Variants in ARHGAP15 observed in about 807,000 individuals in gnomAD.
ARHGAP15 encodes Rho GTPase activating protein 15.
Under a neutral mutation model 63.7 loss-of-function variants are expected in ARHGAP15, and 51 were observed. The ratio of observed to expected loss-of-function variants is 0.80; its 90% CI spans 0.64 to 1.01. The LOEUF is 1.01. ARHGAP15 is among the 50% of genes least tolerant of loss of function. The pLI, the probability that ARHGAP15 is intolerant of heterozygous loss-of-function variation, is 0.00. For missense variants in ARHGAP15, 560 were observed against 564.6 expected (o/e 0.99, Z 0.08); for synonymous variants, 191 against 193.8 (o/e 0.99, Z 0.12).
chr2:143,629,046 G>A (rs997454616), intron 12 of ARHGAP15, among the ~76,000 whole-genome samples: 4 of 152,114 alleles, frequency 2.6e-5, no homozygotes, highest in South Asian at 2.1e-4. Context: ...AGGAGAAAAT[G>A]CTATTTCTAG....
chr2:143,205,022 G>A (rs867951762), intron 3 of ARHGAP15, among the ~76,000 whole-genome samples: 17 of 151,844 alleles, frequency 1.1e-4, no homozygotes, highest in African/African-American at 4.1e-4. Flanking sequence ...CAGCACTTTG[G>A]GAGGCTGAGG....
chr2:143,516,300 C>T (rs774518168), intron 9 of ARHGAP15, among the ~76,000 whole-genome samples: 3 of 152,112 alleles, frequency 2.0e-5, no homozygotes, highest in Non-Finnish European at 4.4e-5. Context: ...AGTAAATTCC[C>T]TGGAATGCTG....
At chr2:143,269,561 T>C (rs1681164981) in intron 6 of ARHGAP15, among the ~76,000 whole-genome samples, 1 of 152,172 alleles carries the variant, frequency 6.6e-6, no homozygotes, top group Non-Finnish European at 1.5e-5. Flanking sequence ...GCTCTGAGCA[T>C]TTTCCATGAA....
intron 2 of ARHGAP15, among the ~76,000 whole-genome samples, chr2:143,170,688 C>T (rs1485670868): frequency 6.6e-6 from 1 of 152,080 alleles, no homozygotes. Flanking sequence ...AAAACTCAAC[C>T]CCCTGCCTAG....
At chr2:143,419,985 A>G (rs1475130496) in intron 6 of ARHGAP15, among the ~76,000 whole-genome samples, 1 of 152,118 alleles carries the variant, frequency 6.6e-6, no homozygotes, top group Non-Finnish European at 1.5e-5. Flanking sequence ...CAGACCTTAG[A>G]CGGCAGGTTT....
intron 6 of ARHGAP15, among the ~76,000 whole-genome samples, chr2:143,386,298 T>C (rs1687284460): frequency 1.3e-5 from 2 of 152,150 alleles, no homozygotes; most frequent in African/African-American, 2.4e-5. Flanking sequence ...TATGGCCAAA[T>C]ATGCAATTTT....
intron 1 of ARHGAP15, among the ~76,000 whole-genome samples, chr2:143,131,178 T>C (rs1193287280): frequency 6.6e-6 from 1 of 152,148 alleles, no homozygotes; most frequent in African/African-American, 2.4e-5. Context: ...TGAAGAGAGC[T>C]TGATATGAAT....
intron 6 of ARHGAP15, among the ~76,000 whole-genome samples, chr2:143,397,406 C>T (rs1687815162): frequency 6.6e-6 from 1 of 151,034 alleles, no homozygotes; most frequent in South Asian, 2.1e-4. Flanking sequence ...ACTTACATTT[C>T]TGGTCATTTG....
intron 6 of ARHGAP15, among the ~76,000 whole-genome samples, chr2:143,281,953 TCA>T (rs1431850923): frequency 6.6e-6 from 1 of 152,154 alleles, no homozygotes; most frequent in Non-Finnish European, 1.5e-5. Context: ...TCCTTCACTC[TCA>T]GACTAAATGA....
intron 9 of ARHGAP15, among the ~76,000 whole-genome samples, chr2:143,511,654 T>C (rs1693596073): frequency 6.6e-6 from 1 of 152,104 alleles, no homozygotes; most frequent in Non-Finnish European, 1.5e-5. Context: ...ACATGAGCAT[T>C]TAGGGGACAA....
At chr2:143,662,082 C>T (rs1241185844) in intron 12 of ARHGAP15, among the ~76,000 whole-genome samples, 1 of 152,254 alleles carries the variant, frequency 6.6e-6, no homozygotes, top group African/African-American at 2.4e-5. Flanking sequence ...CTCAAGAAGG[C>T]CTGCCTGCCT....
chr2:143,456,872 T>C (rs1690682821), intron 8 of ARHGAP15, among the ~76,000 whole-genome samples: 1 of 151,912 alleles, frequency 6.6e-6, no homozygotes, highest in Non-Finnish European at 1.5e-5. Context: ...CATGTATGTC[T>C]ATAGTATATA....
rs370140248 is a variant in ARHGAP15 at position 143,343,572 on chromosome 2, G to T, written c.475-92029G>T. ...TGAAAGATCACTGTGTTGGCAGTGTGGGGGGATGGATAGAAACTCGATATT... is the reference window on the plus strand; with the variant it reads ...TGAAAGATCACTGTGTTGGCAGTGTTGGGGGATGGATAGAAACTCGATATT... On this transcript the variant is annotated intron_variant, in intron 6 of 13. Transcript: ENST00000295095. 1.5e-4 allele frequency among the ~76,000 whole-genome samples: 23 copies of T among 152,060 alleles called. No homozygotes were observed. In the East Asian group the frequency reaches 2.1e-3, roughly 14 times the overall value.
chr2:143,637,322 A>T (rs779875116), intron 12 of ARHGAP15, among the ~76,000 whole-genome samples: 1 of 152,076 alleles, frequency 6.6e-6, no homozygotes, highest in South Asian at 2.1e-4. Context: ...TATTAATATT[A>T]TACTATTGGG....
chr2:143,249,958 A>G (rs1304247149), intron 5 of ARHGAP15, among the ~76,000 whole-genome samples: 4 of 152,214 alleles, frequency 2.6e-5, no homozygotes, highest in South Asian at 4.1e-4. Flanking sequence ...ATTTGCTAAC[A>G]TGTGAAACAC....
At chr2:143,656,248 T>A (rs1681427853) in intron 12 of ARHGAP15, 1 of 152,206 alleles carries the variant, frequency 6.6e-6, no homozygotes. Flanking sequence ...CAATAAATGT[T>A]AAGGAATGTG....
chr2:143,390,746 C>T (rs1231455377), intron 6 of ARHGAP15, among the ~76,000 whole-genome samples: 2 of 150,554 alleles, frequency 1.3e-5, no homozygotes, highest in Non-Finnish European at 3.0e-5. Flanking sequence ...CACACACACA[C>T]ACACACACAC....
chr2:143,542,577 C>A (rs866012594), intron 10 of ARHGAP15, among the ~76,000 whole-genome samples: 3 of 146,832 alleles, frequency 2.0e-5, no homozygotes, highest in Non-Finnish European at 4.5e-5. Flanking sequence ...TGTGTGTGTG[C>A]ACATATATAT....
At chr2:143,653,172 C>T (rs755034592) in intron 12 of ARHGAP15, among the ~76,000 whole-genome samples, 1 of 152,080 alleles carries the variant, frequency 6.6e-6, no homozygotes, top group Non-Finnish European at 1.5e-5. Context: ...AATACAACAA[C>T]TACATTGATA....
Sources: allele counts gnomAD v4.1 joint callset (sites outside exome capture counted in the v4.1 genomes callset), GRCh38; gene constraint gnomAD v4.1.1; transcripts MANE v1.5; gene names NCBI Gene and HGNC (gene_info 2026-07-23, HGNC 2026-07-21).